HECTD2: variants seen among roughly 807,000 people sequenced by gnomAD.
HECTD2 encodes HECT domain E3 ubiquitin protein ligase 2.
Under a neutral mutation model 103.2 loss-of-function variants are expected in HECTD2, and 35 were observed. That is an observed-to-expected ratio of 0.34 (90% CI 0.26 to 0.45). The LOEUF (loss-of-function observed/expected upper bound fraction) is 0.45, where lower values mean the gene tolerates loss of function less well. Among genes scored for constraint, HECTD2 ranks in the 20% least tolerant of loss-of-function variants. HECTD2 has a pLI of 1.00. For missense variants in HECTD2, 596 were observed against 937.4 expected (o/e 0.64, Z 4.76); for synonymous variants, 281 against 329.9 (o/e 0.85, Z 1.61).
intron 5 of HECTD2, chr10:91,462,483 T>A: frequency 8.6e-7 from 1 of 1,161,342 alleles, no homozygotes; most frequent in Non-Finnish European, 1.1e-6. Context: ...TTACACTGAA[T>A]CTGTAGATCA....
chr10:91,505,517 A>G (rs1416753021), intron 20 of HECTD2, among the ~76,000 whole-genome samples: 1 of 151,916 alleles, frequency 6.6e-6, no homozygotes, highest in Non-Finnish European at 1.5e-5. Context: ...AGATCAAAAG[A>G]GACAAAGAAG....
chr10:91,448,847 T>G (rs1295525987), intron 2 of HECTD2, among the ~76,000 whole-genome samples: 3 of 44,336 alleles, frequency 6.8e-5, no homozygotes, highest in Non-Finnish European at 1.3e-4. Context: ...AATCTCTGAA[T>G]AGACCAATAA....
At chr10:91,416,856 C>T (rs1228845359) in intron 1 of HECTD2, among the ~76,000 whole-genome samples, 1 of 152,114 alleles carries the variant, frequency 6.6e-6, no homozygotes, top group Non-Finnish European at 1.5e-5. Context: ...ATCCTTCCCA[C>T]CACCCCACCA....
chr10:91,475,581 G>A (rs933839944), intron 5 of HECTD2, among the ~76,000 whole-genome samples: 1 of 152,172 alleles, frequency 6.6e-6, no homozygotes, highest in Non-Finnish European at 1.5e-5. Context: ...GGAATGAGTT[G>A]ACAATGAGAA....
In HECTD2 at chr10:91,490,886, G is replaced by A. The variant is rs1051517697; in HGVS notation, c.1192-314G>A. Among the ~76,000 whole-genome samples the A allele has an allele frequency of 2.5e-4, 21 of 82,532 alleles. No individual in the cohort carries two copies. The East Asian group carries it at 6.6e-3, about 26-fold the overall frequency. The allele number at this position is 82,532 out of a possible 152,430, so 54.1% of individuals were successfully genotyped here. On this transcript the variant is annotated intron_variant, in intron 11 of 20. Coordinates refer to ENST00000298068, the MANE Select transcript of HECTD2 (RefSeq NM_182765.6). ...AGCTTGGGCGAAAGAGTGAGACTCC[G>A]TCTCAAAAAAAAAAAAAAAAAAAAA...
chr10:91,427,135 A>G (rs1843601506), intron 2 of HECTD2, among the ~76,000 whole-genome samples: 1 of 150,994 alleles, frequency 6.6e-6, no homozygotes, highest in South Asian at 2.1e-4. Context: ...TTTACTGAGA[A>G]TGATGATTTC....
chr10:91,473,873 A>G (rs1373781862), intron 5 of HECTD2, among the ~76,000 whole-genome samples: 3 of 152,140 alleles, frequency 2.0e-5, no homozygotes, highest in Admixed American at 1.3e-4. Flanking sequence ...GGGGGAGTCA[A>G]AAGTTATACA....
chr10:91,498,893 A>G lies in HECTD2; in HGVS notation c.1777A>G (p.Ile593Val). ...TFQVFQEEFG[I>V]IKSYNLKPGG... ...TCAGGTTTTTCAAGAAGAATTTGGAATAATCAAGTCCTATAATTTAAAGCC... is the reference window on the plus strand; with the variant it reads ...TCAGGTTTTTCAAGAAGAATTTGGAGTAATCAAGTCCTATAATTTAAAGCC... The change falls in exon 17 of 21, where the codon ATA (isoleucine) becomes GTA (valine). Residue 593 changes from isoleucine (I) to valine (V), a missense_variant. Physicochemically the swap from Ile to Val is conservative, Grantham distance 29. Around this residue, in one of 4 missense-constraint regions of HECTD2, gnomAD observed 303 missense variants for 522.5 expected, o/e 0.58. Coordinates refer to ENST00000298068, the MANE Select transcript of HECTD2 (RefSeq NM_182765.6). 6.2e-7 allele frequency: 1 copy of G among 1,600,248 alleles called. No homozygotes were observed.
chr10:91,414,782 G>A (rs1214459211), intron 1 of HECTD2, among the ~76,000 whole-genome samples: 1 of 152,212 alleles, frequency 6.6e-6, no homozygotes, highest in Non-Finnish European at 1.5e-5. Flanking sequence ...AAATTAGTGA[G>A]TAATAAAGCG....
At chr10:91,439,714 G>T (rs912995228) in intron 2 of HECTD2, among the ~76,000 whole-genome samples, 1 of 152,122 alleles carries the variant, frequency 6.6e-6, no homozygotes. Flanking sequence ...CTATCCATGA[G>T]GATGGAATGT....
At chr10:91,494,388 G>A (rs756612400) in intron 14 of HECTD2, among the ~76,000 whole-genome samples, 9 of 152,006 alleles carry the variant, frequency 5.9e-5, no homozygotes, top group Non-Finnish European at 8.8e-5. Context: ...TAAGCTGAGA[G>A]AATGGTGAGA....
intron 2 of HECTD2, among the ~76,000 whole-genome samples, chr10:91,433,962 A>G: frequency 6.6e-6 from 1 of 152,008 alleles, no homozygotes; most frequent in Non-Finnish European, 1.5e-5. Flanking sequence ...TTCACTAAAG[A>G]TAACTTTATA....
At chr10:91,426,598 C>T (rs1037412235) in intron 2 of HECTD2, among the ~76,000 whole-genome samples, 1 of 151,322 alleles carries the variant, frequency 6.6e-6, no homozygotes, top group African/African-American at 2.4e-5. Flanking sequence ...ACACACACAC[C>T]CCTCCGTCAC....
chr10:91,475,528 A>G (rs1845870210), intron 5 of HECTD2, among the ~76,000 whole-genome samples: 1 of 152,100 alleles, frequency 6.6e-6, no homozygotes, highest in African/African-American at 2.4e-5. Flanking sequence ...TAGATAATTG[A>G]TGACTTTAAT....
chr10:91,478,390 G>T, intron 6 of HECTD2, 125 bp downstream of exon 6: 1 of 611,148 alleles, frequency 1.6e-6, no homozygotes. Context: ...TAATAACATA[G>T]ATGAGAAAAG....
In HECTD2 at chr10:91,456,158, A is replaced by C. The variant is rs183963991; in HGVS notation, c.269-4269A>C. 1.6e-3 allele frequency among the ~76,000 whole-genome samples: 249 copies of C among 152,090 alleles called. 3 individuals carry two copies. Among genetic ancestry groups the C allele is most frequent in the Middle Eastern group, 6.8e-3 (2 of 294 alleles). On this transcript the variant is annotated intron_variant, in intron 2 of 20. Transcript: ENST00000298068. ...GGGGTGGCATTGAATCTATAAATTA[A>C]CTTGGGCAGTATGGCCATTTTCACA...
At chr10:91,455,270 G>A (rs1315296657) in intron 2 of HECTD2, among the ~76,000 whole-genome samples, 1 of 152,126 alleles carries the variant, frequency 6.6e-6, no homozygotes, top group Non-Finnish European at 1.5e-5. Flanking sequence ...TTCTAACTGG[G>A]TGTGAGATGG....
At chr10:91,510,664 G>A (rs577664577) in intron 20 of HECTD2, among the ~76,000 whole-genome samples, 47 of 152,258 alleles carry the variant, frequency 3.1e-4, no homozygotes, top group African/African-American at 1.1e-3. Flanking sequence ...AAAATAAGTT[G>A]TGTAGCTTAG....
In HECTD2 at chr10:91,484,504, C is replaced by T. The variant is rs766753910; in HGVS notation, c.822-3C>T. The T allele has an allele frequency of 2.6e-5, 42 of 1,591,818 alleles. No individual in the cohort carries two copies. Among genetic ancestry groups the T allele is most frequent in the African/African-American group, 4.1e-5 (3 of 73,472 alleles). On this transcript the variant is annotated splice_polypyrimidine_tract_variant and splice_region_variant and intron_variant, in intron 8 of 20. Coordinates refer to ENST00000298068, the MANE Select transcript of HECTD2 (RefSeq NM_182765.6). ...ATTGCAATTATTTTGAAATCTTTACCAGATTGTCCCAGAAGAGGTTCAAAC... is the reference window on the plus strand; with the variant it reads ...ATTGCAATTATTTTGAAATCTTTACTAGATTGTCCCAGAAGAGGTTCAAAC...
Sources: gnomAD v4.1 joint callset for allele counts (sites outside exome capture counted in the v4.1 genomes callset) on GRCh38, gnomAD v4.1.1 for gene constraint, gnomAD v4.1.1 regional missense constraint, MANE v1.5 for transcripts, NCBI Gene and HGNC (gene_info 2026-07-23, HGNC 2026-07-21) for gene names.